Variants in MYH9 observed in about 807,000 individuals in gnomAD.
MYH9 encodes myosin-9.
Under a neutral mutation model 241.9 loss-of-function variants are expected in MYH9, and 29 were observed. That is an observed-to-expected ratio of 0.12 (90% CI 0.09 to 0.16). The LOEUF (loss-of-function observed/expected upper bound fraction) is 0.16, where lower values mean the gene tolerates loss of function less well. Among genes scored for constraint, MYH9 ranks in the 10% least tolerant of loss-of-function variants. MYH9 has a pLI of 1.00. For missense variants in MYH9, 1,803 were observed against 2,595.5 expected, an observed-to-expected ratio of 0.69 and a Z score of 6.63; for synonymous variants, 1,047 against 1,062.6, an observed-to-expected ratio of 0.99 and a Z score of 0.29.
At chr22:36,302,430 T>G in intron 20 of MYH9, 138 bp downstream of exon 20, 1 of 715,520 alleles carries the variant, frequency 1.4e-6, no homozygotes, top group South Asian at 1.5e-5. Flanking sequence ...GGAGGATTGC[T>G]GGAGCCCAAG....
At chr22:36,352,554 C>T (rs989241033) in intron 1 of MYH9, among the ~76,000 whole-genome samples, 1 of 152,232 alleles carries the variant, frequency 6.6e-6, no homozygotes, top group Non-Finnish European at 1.5e-5. Context: ...TCTGGAGGGT[C>T]ACAAACATCA....
rs1314291839 is a variant in MYH9 at position 36,329,119 on chromosome 22, T to C, written c.491-1631A>G. Among the ~76,000 whole-genome samples, 2 of 152,108 alleles carry C rather than the reference T, an allele frequency of 1.3e-5. No homozygotes were observed. Among genetic ancestry groups the C allele is most frequent in the Non-Finnish European group, 2.9e-5 (2 of 68,008 alleles). ...AGCTGCCCCTGCCCTGGGCCGCAGC[T>C]TCCTCCCAGCCCCCTAAGCATCAAC... is the stretch of plus-strand genomic sequence containing the variant. On this transcript the variant is annotated intron_variant, in intron 3 of 40. Transcript: ENST00000216181. The surrounding 1 kb of genome is among the most constrained non-coding windows in gnomAD (Gnocchi z 4.1).
intron 2 of MYH9, 88 bp downstream of exon 2, chr22:36,348,816 G>A: frequency 1.6e-6 from 2 of 1,286,880 alleles, no homozygotes; most frequent in Non-Finnish European, 2.2e-6. Flanking sequence ...CAGGGCCCAG[G>A]CACGTGAGGG....
chr22:36,285,580 C>A lies in MYH9; in HGVS notation c.5274+78G>T. On this transcript the variant is annotated intron_variant, in intron 37 of 40. Coordinates refer to ENST00000216181, the MANE Select transcript of MYH9 (RefSeq NM_002473.6). The surrounding 1 kb of genome is among the most constrained non-coding windows in gnomAD (Gnocchi z 7.0). Reference sequence around the variant, plus strand: ...AGCAGCTGGCACTTGGCCTGTGCTTCTGCCGGCTGGGTCCAAGGCCAGCTC... The same window carrying A: ...AGCAGCTGGCACTTGGCCTGTGCTTATGCCGGCTGGGTCCAAGGCCAGCTC... 1 of 1,596,750 alleles carries A rather than the reference C, an allele frequency of 6.3e-7. No homozygotes were observed. Among genetic ancestry groups the A allele is most frequent in the East Asian group, 2.2e-5 (1 of 44,476 alleles).
At chr22:36,321,608 G>A (rs1437053616) in intron 7 of MYH9, 150 bp downstream of exon 7, 28 of 806,434 alleles carry the variant, frequency 3.5e-5, no homozygotes, top group African/African-American at 8.4e-5. Flanking sequence ...TGCACTAGCC[G>A]ATCCTGACAG....
intron 12 of MYH9, 95 bp downstream of exon 12, chr22:36,316,422 G>C (rs116702103): frequency 4.2e-5 from 66 of 1,575,100 alleles, no homozygotes; most frequent in Non-Finnish European, 5.2e-5. Flanking sequence ...AACTCAGATC[G>C]ATGCAGGACC....
intron 11 of MYH9, 130 bp from the exon 12 acceptor site, chr22:36,316,799 A>T: frequency 9.8e-7 from 1 of 1,016,568 alleles, no homozygotes; most frequent in Non-Finnish European, 1.4e-6. Context: ...TGGGGGAAAA[A>T]AAAAAATCTT....
At position 36,296,902 on chromosome 22, in the gene MYH9, G is replaced by C; in HGVS notation, c.3213C>G (p.Ile1071Met). ...SDQIAELQAQ[I>M]AELKMQLAKK... is the part of the protein sequence containing the mutation. ...TGGCCAGCTGCATCTTGAGCTCCGC[G>C]ATCTGGGCCTGGAGCTCGGCGATCT... Residue 1071 changes from isoleucine (I) to methionine (M), a missense_variant, in exon 25 of 41, where the codon ATC becomes ATG. This residue lies in a region of MYH9 where 290 missense variants were observed against 360.5 expected (regional missense o/e 0.80). Transcript: ENST00000216181. 1.2e-6 allele frequency: 2 copies of C among 1,613,746 alleles called. No homozygotes were observed. The highest frequency in any genetic ancestry group is 1.7e-4 in the Middle Eastern group (1 of 6,046).
intron 1 of MYH9, among the ~76,000 whole-genome samples, chr22:36,383,204 A>G (rs2018286123): frequency 6.6e-6 from 1 of 152,186 alleles, no homozygotes; most frequent in Non-Finnish European, 1.5e-5. Flanking sequence ...TGGGCAACAG[A>G]GCAAGACCCT....
intron 25 of MYH9, among the ~76,000 whole-genome samples, chr22:36,296,358 C>T (rs948525794): frequency 6.6e-6 from 1 of 152,142 alleles, no homozygotes. Context: ...CCTCAGCCTC[C>T]TGAGTAGGTG....
intron 1 of MYH9, among the ~76,000 whole-genome samples, chr22:36,377,777 G>A (rs1251507007): frequency 2.0e-5 from 3 of 152,122 alleles, no homozygotes; most frequent in African/African-American, 4.8e-5. Context: ...GGGCACGGTG[G>A]CGGGCACCTT....
At position 36,293,190 on chromosome 22, in the gene MYH9, G is replaced by A; in HGVS notation, c.4095+139C>T. The A allele has an allele frequency of 9.9e-7, 1 of 1,011,286 alleles. No individual in the cohort carries two copies. Among genetic ancestry groups the A allele is most frequent in the Non-Finnish European group, 1.5e-6 (1 of 677,860 alleles). The allele number at this position is 1,011,286 out of a possible 1,614,324, so 62.6% of individuals were successfully genotyped here. ...CCTTTCCTTGAGAGCACTGATGTGGGAGAGCACGGTTGGCTTCCCAGGGGG... is the reference window on the plus strand; with the variant it reads ...CCTTTCCTTGAGAGCACTGATGTGGAAGAGCACGGTTGGCTTCCCAGGGGG... On this transcript the variant is annotated intron_variant, in intron 30 of 40. Coordinates refer to ENST00000216181, the MANE Select transcript of MYH9 (RefSeq NM_002473.6). This position sits in a 1 kb window ranked among gnomAD's most constrained non-coding sequence, Gnocchi z 5.1.
At chr22:36,332,808 C>G (rs1360208629) in intron 3 of MYH9, among the ~76,000 whole-genome samples, 1 of 151,362 alleles carries the variant, frequency 6.6e-6, no homozygotes, top group African/African-American at 2.4e-5. Flanking sequence ...ACAGGCAAAT[C>G]TGCCAGAAAC....
Position 36,282,737 on chromosome 22 carries a change from G to A in MYH9, c.5814C>T (p.Gly1938=), listed in dbSNP as rs147409380. Reference sequence around the variant, plus strand: ...CCTCTTCGTCGGAGCCATCCCCGGCGCCTTTCCGGGCCATTCGGCGGGGCA... The same window carrying A: ...CCTCTTCGTCGGAGCCATCCCCGGCACCTTTCCGGGCCATTCGGCGGGGCA... ...FVVPRRMARK[G]AGDGSDEEVD... Residue 1938 remains glycine, a synonymous_variant, in exon 41 of 41, where the codon GGC becomes GGT. Transcript: ENST00000216181. 47 of 1,613,588 alleles carry A rather than the reference G, an allele frequency of 2.9e-5. No homozygotes were observed. Among genetic ancestry groups the A allele is most frequent in the East Asian group, 1.8e-4 (8 of 44,906 alleles).
intron 5 of MYH9, among the ~76,000 whole-genome samples, chr22:36,324,024 G>T (rs566401828): frequency 2.0e-5 from 3 of 152,324 alleles, no homozygotes; most frequent in Middle Eastern, 3.4e-3. Context: ...CCACTACGCC[G>T]TTCCTCTCAG....
At position 36,373,400 on chromosome 22, in the gene MYH9, G is replaced by A. The variant is rs538721289; in HGVS notation, c.-20+14407C>T. 2.9e-4 allele frequency among the ~76,000 whole-genome samples: 44 copies of A among 152,322 alleles called. No homozygotes were observed. The Middle Eastern group carries it at 0.01, about 35-fold the overall frequency. Reference sequence around the variant, plus strand: ...CCTCCCAGTGGGTTTTCTGGCCAGGGGCCTTGGAAGTGACACAACGGCGGA... The same window carrying A: ...CCTCCCAGTGGGTTTTCTGGCCAGGAGCCTTGGAAGTGACACAACGGCGGA... On this transcript the variant is annotated intron_variant, in intron 1 of 40. Coordinates refer to ENST00000216181, the MANE Select transcript of MYH9 (RefSeq NM_002473.6).
At chr22:36,313,230 G>A (rs538908962) in intron 13 of MYH9, among the ~76,000 whole-genome samples, 39 of 152,046 alleles carry the variant, frequency 2.6e-4, no homozygotes, top group East Asian at 2.5e-3. Flanking sequence ...TTGGGAGGCC[G>A]AGGAGGGCAA....
intron 35 of MYH9, among the ~76,000 whole-genome samples, chr22:36,286,261 T>A (rs1335113791): frequency 6.6e-6 from 1 of 152,126 alleles, no homozygotes; most frequent in East Asian, 1.9e-4. Context: ...GGGCGGCCCC[T>A]CCCTGTTCTG....
At chr22:36,357,605 C>A (rs1883291595) in intron 1 of MYH9, among the ~76,000 whole-genome samples, 2 of 152,172 alleles carry the variant, frequency 1.3e-5, no homozygotes, top group South Asian at 2.1e-4. Flanking sequence ...GTTGAGCCCA[C>A]TGATTGAAGG....
Sources: gnomAD v4.1 joint callset for allele counts (sites outside exome capture counted in the v4.1 genomes callset) on GRCh38, gnomAD v4.1.1 for gene constraint, gnomAD v4.1.1 regional missense constraint, Gnocchi (gnomAD v3.1) non-coding constraint, MANE v1.5 for transcripts, NCBI Gene and HGNC (gene_info 2026-07-23, HGNC 2026-07-21) for gene names.